The following EYA2 variants were observed in gnomAD, a reference collection of about 807,000 sequenced individuals.
EYA2 encodes the protein protein phosphatase EYA2.
EYA2 carries 31 observed loss-of-function variants against 69.2 expected under a neutral mutation model. The ratio of observed to expected loss-of-function variants is 0.45; its 90% CI spans 0.34 to 0.60. The LOEUF is 0.60. Ranked by LOEUF, EYA2 falls within the 20% of genes least tolerant of loss-of-function variation. EYA2 has a pLI of 0.02. For synonymous variants in EYA2, 257 were observed against 279.4 expected (o/e 0.92, Z 0.80); for missense variants, 622 against 701.2 (o/e 0.89, Z 1.28).
At chr20:47,021,383 T>G (rs1983735697) in intron 5 of EYA2, among the ~76,000 whole-genome samples, 1 of 152,046 alleles carries the variant, frequency 6.6e-6, no homozygotes, top group South Asian at 2.1e-4. Flanking sequence ...TCCCAGCCCT[T>G]TGGGAGGCTG....
intron 3 of EYA2, among the ~76,000 whole-genome samples, chr20:47,001,681 T>G (rs937720331): frequency 2.0e-5 from 3 of 152,006 alleles, no homozygotes; most frequent in Non-Finnish European, 2.9e-5. Context: ...TCATGCTGCC[T>G]GCCCCCACGA....
At chr20:47,070,184 A>G (rs562459315) in intron 5 of EYA2, among the ~76,000 whole-genome samples, 71 of 152,362 alleles carry the variant, frequency 4.7e-4, no homozygotes, top group South Asian at 1.0e-3. Context: ...TATAACAGTA[A>G]TAAGAGGCCA....
chr20:47,172,640 G>T, intron 11 of EYA2, 67 bp from the exon 12 acceptor site: 1 of 1,509,084 alleles, frequency 6.6e-7, no homozygotes, highest in Non-Finnish European at 8.9e-7. Flanking sequence ...CAGAGCCTGT[G>T]GTCTCCCAGG....
At chr20:47,177,773 A>G (rs1005234997) in intron 12 of EYA2, among the ~76,000 whole-genome samples, 2 of 152,242 alleles carry the variant, frequency 1.3e-5, no homozygotes, top group African/African-American at 4.8e-5. Context: ...CTGATTGAGC[A>G]TCAAGCACAG....
intron 8 of EYA2, among the ~76,000 whole-genome samples, chr20:47,089,834 C>T (rs566380653): frequency 9.9e-5 from 15 of 152,254 alleles, no homozygotes; most frequent in African/African-American, 3.1e-4. Context: ...GCAGAATCAT[C>T]TGGGATGCTC....
chr20:47,116,831 C>A (rs1312001122), intron 9 of EYA2, among the ~76,000 whole-genome samples: 1 of 152,196 alleles, frequency 6.6e-6, no homozygotes, highest in African/African-American at 2.4e-5. Flanking sequence ...TGTATGAATG[C>A]TGGGACTCCA....
intron 5 of EYA2, among the ~76,000 whole-genome samples, chr20:47,045,481 A>G (rs942668012): frequency 2.0e-5 from 3 of 152,228 alleles, no homozygotes; most frequent in Admixed American, 2.0e-4. Flanking sequence ...GGAACAGTAT[A>G]CACATACAGG....
chr20:47,011,113 G>A (rs529655214), intron 4 of EYA2, among the ~76,000 whole-genome samples: 1 of 152,122 alleles, frequency 6.6e-6, no homozygotes, highest in African/African-American at 2.4e-5. Context: ...AACATGAAAT[G>A]AATCATTATA....
intron 1 of EYA2, among the ~76,000 whole-genome samples, chr20:46,970,021 G>T (rs548699829): frequency 3.9e-5 from 6 of 152,304 alleles, no homozygotes; most frequent in African/African-American, 1.4e-4. Flanking sequence ...TTTATAAAAT[G>T]CATCTCATGT....
chr20:46,962,961 C>T (rs1979560956), intron 1 of EYA2, among the ~76,000 whole-genome samples: 1 of 152,254 alleles, frequency 6.6e-6, no homozygotes, highest in African/African-American at 2.4e-5. Flanking sequence ...CTGGCACCAG[C>T]CTTCAGCCAG....
intron 3 of EYA2, among the ~76,000 whole-genome samples, chr20:47,003,355 C>T (rs1055495978): frequency 6.6e-6 from 1 of 152,210 alleles, no homozygotes; most frequent in Admixed American, 6.5e-5. Flanking sequence ...GTGCCTGGCA[C>T]GTAGGCATGA....
chr20:47,105,205 A>C (rs1297642061), intron 9 of EYA2, among the ~76,000 whole-genome samples: 1 of 152,114 alleles, frequency 6.6e-6, no homozygotes, highest in African/African-American at 2.4e-5. Flanking sequence ...ACCAGTCTTG[A>C]CCTTTATAAT....
chr20:46,973,747 TA>T (rs1002336193), intron 1 of EYA2, among the ~76,000 whole-genome samples: 13 of 150,018 alleles, frequency 8.7e-5, no homozygotes, highest in African/African-American at 2.9e-4. Flanking sequence ...AATTTTTCAT[TA>T]AAAAAACTTC....
intron 1 of EYA2, among the ~76,000 whole-genome samples, chr20:46,921,777 C>T (rs1434027548): frequency 1.3e-5 from 2 of 152,232 alleles, no homozygotes; most frequent in Non-Finnish European, 2.9e-5. Context: ...CTCATTTGAG[C>T]ACCTGGATCC....
intron 4 of EYA2, among the ~76,000 whole-genome samples, chr20:47,013,893 C>T (rs889660882): frequency 2.0e-5 from 3 of 152,164 alleles, no homozygotes; most frequent in African/African-American, 7.2e-5. Flanking sequence ...CTGGCACCAT[C>T]GATGGCATAA....
At chr20:47,185,329 C>G (rs2034618414) in intron 15 of EYA2, among the ~76,000 whole-genome samples, 1 of 96,280 alleles carries the variant, frequency 1.0e-5, no homozygotes, top group Non-Finnish European at 1.9e-5. Context: ...GAGACAGAAT[C>G]TCACTGTGTC....
At chr20:47,048,971 TATTA>T (rs1461301170) in intron 5 of EYA2, among the ~76,000 whole-genome samples, 1 of 152,188 alleles carries the variant, frequency 6.6e-6, no homozygotes, top group Non-Finnish European at 1.5e-5. Flanking sequence ...ACATTAAATG[TATTA>T]ATTCATGTGG....
chr20:47,131,430 C>T (rs774602595), intron 9 of EYA2, among the ~76,000 whole-genome samples: 4 of 152,156 alleles, frequency 2.6e-5, no homozygotes, highest in East Asian at 1.9e-4. Flanking sequence ...TCAAAATAAC[C>T]GCATTTGGCA....
intron 2 of EYA2, among the ~76,000 whole-genome samples, chr20:46,994,136 A>G (rs1355466604): frequency 6.6e-6 from 1 of 152,194 alleles, no homozygotes; most frequent in East Asian, 1.9e-4. Flanking sequence ...CTGAATCCTT[A>G]GTAAAGTTTC....
Sources: allele counts gnomAD v4.1 joint callset (sites outside exome capture counted in the v4.1 genomes callset), GRCh38; gene constraint gnomAD v4.1.1; transcripts MANE v1.5; gene names NCBI Gene and HGNC (gene_info 2026-07-23, HGNC 2026-07-21).